Variants in CASD1 observed in about 807,000 individuals in gnomAD.
CASD1 encodes CAS1 domain sialic acid O acetyltransferase 1.
A neutral mutation model predicts 100.0 loss-of-function variants in CASD1; 41 were observed. That is an observed-to-expected ratio of 0.41 (90% CI 0.32 to 0.53). The LOEUF is 0.53. Ranked by LOEUF, CASD1 falls within the 20% of genes least tolerant of loss-of-function variation. The pLI is 0.25. For missense variants in CASD1, 774 were observed against 948.7 expected (o/e 0.82, Z 2.42); for synonymous variants, 321 against 315.6 (o/e 1.02, Z -0.18).
intron 3 of CASD1, among the ~76,000 whole-genome samples, chr7:94,520,408 A>C (rs1159351702): frequency 6.6e-6 from 1 of 152,210 alleles, no homozygotes; most frequent in Non-Finnish European, 1.5e-5. Context: ...TTTTTTAAAA[A>C]GAGACTTTAG....
At chr7:94,542,889 TAA>T in intron 10 of CASD1, among the ~76,000 whole-genome samples, 1 of 152,284 alleles carries the variant, frequency 6.6e-6, no homozygotes, top group African/African-American at 2.4e-5. Flanking sequence ...TCTGATCTAA[TAA>T]GTCATTTAAA....
chr7:94,557,064 CAACTT>C (rs909220654), downstream of CASD1: 1 of 151,972 alleles, frequency 6.6e-6, no homozygotes, highest in African/African-American at 2.4e-5. Flanking sequence ...ATTATTTCCT[CAACTT>C]AAATTTGCTT....
In CASD1 at chr7:94,555,568, T is replaced by C; in HGVS notation, c.2204T>C (p.Met735Thr). The change falls in exon 18 of 18, where the codon ATG (methionine) becomes ACG (threonine). Residue 735 changes from methionine (M) to threonine (T), a missense_variant. Physicochemically the swap from Met to Thr is moderately conservative, Grantham distance 81 (BLOSUM62 -1). Around this residue, in one of 5 missense-constraint regions of CASD1, gnomAD observed 175 missense variants for 206.9 expected, o/e 0.85. Transcript: ENST00000297273. ...GILVLIPGNP[M>T]LNIIVSTFIF... ...TTGGTACTGATACCTGGAAACCCTA[T>C]GCTCAACATCATTGTCAGCACTTTC... is the stretch of plus-strand genomic sequence containing the variant. The C allele has an allele frequency of 6.2e-7, 1 of 1,613,572 alleles. No homozygotes were observed. The highest frequency in any genetic ancestry group is 2.2e-5 in the East Asian group (1 of 44,820).
chr7:94,549,401 T>C, intron 13 of CASD1, 132 bp from the exon 14 acceptor site: 1 of 459,756 alleles, frequency 2.2e-6, no homozygotes. Flanking sequence ...TCAAATGAAA[T>C]AAAACAGAAT....
At chr7:94,538,516 AAT>A (rs1795225756) in intron 9 of CASD1, among the ~76,000 whole-genome samples, 1 of 152,174 alleles carries the variant, frequency 6.6e-6, no homozygotes, top group South Asian at 2.1e-4. Context: ...CTTCATTGAG[AAT>A]ATACTGGGGA....
At position 94,551,443 on chromosome 7, in the gene CASD1, A is replaced by G. The variant is rs140680444; in HGVS notation, c.1921A>G (p.Asn641Asp). The G allele has an allele frequency of 4.6e-6, 7 of 1,528,048 alleles. No homozygotes were observed. The highest frequency in any genetic ancestry group is 1.4e-5 in the African/African-American group (1 of 70,012). The allele number at this position is 1,528,048 out of a possible 1,614,324, so 94.7% of individuals were successfully genotyped here. A position where few individuals can be genotyped will look rare whatever the true frequency, so the allele number is the denominator to read the frequency against. Residue 641 changes from asparagine to aspartate, a missense_variant, in exon 15 of 18, where the codon AAT becomes GAT. By Grantham distance (23) the Asn-to-Asp change is conservative. This residue lies in a region of CASD1 where 175 missense variants were observed against 206.9 expected (regional missense o/e 0.85). Coordinates refer to ENST00000297273, the MANE Select transcript of CASD1 (RefSeq NM_022900.5). Reference protein sequence around the residue: ...GEPLFSNKISNFLLFISVVSF... With the variant: ...GEPLFSNKISDFLLFISVVSF... ...ACCTCTTTTTTCAAACAAAATTTCA[A>G]ATTTTCTGTTGTTTATTTCAGTAGT...
chr7:94,605,171 C>T, the CASD1 span, among the ~76,000 whole-genome samples: 1 of 151,966 alleles, frequency 6.6e-6, no homozygotes, highest in Non-Finnish European at 1.5e-5. Context: ...ACACCGGAAT[C>T]AGATATGGCA....
At chr7:94,585,820 C>T in the CASD1 span, among the ~76,000 whole-genome samples, 1 of 152,004 alleles carries the variant, frequency 6.6e-6, no homozygotes, top group Non-Finnish European at 1.5e-5. Context: ...GGATGTATAA[C>T]TGTACCTTTT....
the CASD1 span, among the ~76,000 whole-genome samples, chr7:94,605,216 C>T: frequency 5.3e-5 from 8 of 151,890 alleles, no homozygotes; most frequent in African/African-American, 1.9e-4. Flanking sequence ...AAATTTAAAA[C>T]AACTATGACT....
chr7:94,537,182 A>G (rs1795163544), intron 8 of CASD1, among the ~76,000 whole-genome samples: 1 of 152,138 alleles, frequency 6.6e-6, no homozygotes, highest in Non-Finnish European at 1.5e-5. Context: ...GAACAATCTC[A>G]GAGTGCATTC....
chr7:94,600,760 A>G, the CASD1 span: 10 of 1,613,790 alleles, frequency 6.2e-6, no homozygotes, highest in Non-Finnish European at 6.8e-6. Context: ...TCTGCTTTTC[A>G]AAGAATCAGA....
At chr7:94,569,544 T>G in the CASD1 span, among the ~76,000 whole-genome samples, 1 of 152,036 alleles carries the variant, frequency 6.6e-6, no homozygotes, top group African/African-American at 2.4e-5. Flanking sequence ...AGCCTCAACC[T>G]CCTGGGCTCA....
At chr7:94,602,106 C>T in the CASD1 span, among the ~76,000 whole-genome samples, 4 of 152,046 alleles carry the variant, frequency 2.6e-5, no homozygotes, top group African/African-American at 9.7e-5. Flanking sequence ...TCCAGAACAA[C>T]CACAAGTAAA....
the CASD1 span, among the ~76,000 whole-genome samples, chr7:94,585,991 A>T: frequency 6.7e-6 from 1 of 150,318 alleles, no homozygotes; most frequent in Admixed American, 6.7e-5. Context: ...AAGTCCAGGA[A>T]CACAACACCA....
the CASD1 span, chr7:94,587,908 TAATA>T: frequency 3.4e-6 from 5 of 1,475,910 alleles, no homozygotes; most frequent in East Asian, 5.4e-5. Flanking sequence ...GAGACTTACT[TAATA>T]GTTTCCCTAC....
the CASD1 span, among the ~76,000 whole-genome samples, chr7:94,563,548 ACT>A: frequency 6.6e-6 from 1 of 150,426 alleles, no homozygotes; most frequent in Admixed American, 6.6e-5. Context: ...AAGGATGAAA[ACT>A]CTAATTTTGC....
At chr7:94,581,126 T>G in the CASD1 span, among the ~76,000 whole-genome samples, 1 of 152,190 alleles carries the variant, frequency 6.6e-6, no homozygotes, top group Non-Finnish European at 1.5e-5. Context: ...ACCAGTGCTG[T>G]GTCTCCACAA....
At chr7:94,553,786 T>TTAAATAAA (rs71120402) in intron 16 of CASD1, 29,357 of 141,746 alleles carry the variant, frequency 0.21, 3,609 homozygotes, top group South Asian at 0.33. Flanking sequence ...ACCCTAGAAC[T>TTAAATAAA]TAAATAAATA....
At chr7:94,623,975 T>G in the CASD1 span, 63 of 383,322 alleles carry the variant, frequency 1.6e-4, no homozygotes, top group Admixed American at 1.1e-3. Context: ...CACAAATCAA[T>G]CCCTTCATAC....
Sources: gnomAD v4.1 joint callset for allele counts (sites outside exome capture counted in the v4.1 genomes callset) on GRCh38, gnomAD v4.1.1 for gene constraint, gnomAD v4.1.1 regional missense constraint, MANE v1.5 for transcripts, NCBI Gene and HGNC (gene_info 2026-07-23, HGNC 2026-07-21) for gene names.